The following CLMP variants were observed in gnomAD, a reference collection of about 807,000 sequenced individuals.
CLMP encodes CXADR-like membrane protein.
A neutral mutation model predicts 45.2 loss-of-function variants in CLMP; 27 were observed. That is an observed-to-expected ratio of 0.60 (90% confidence interval 0.44 to 0.82). CLMP has a LOEUF of 0.82. CLMP is among the 40% of genes least tolerant of loss of function. CLMP has a pLI of 0.00. For missense variants in CLMP, 403 were observed against 448.4 expected, an observed-to-expected ratio of 0.90 and a Z score of 0.91; for synonymous variants, 167 against 171.4, an observed-to-expected ratio of 0.97 and a Z score of 0.20.
chr11:123,165,482 C>A (rs561664437), intron 1 of CLMP, among the ~76,000 whole-genome samples: 1 of 152,262 alleles, frequency 6.6e-6, no homozygotes, highest in East Asian at 1.9e-4. Context: ...CCTGACCATC[C>A]CTTCCCTCCA....
chr11:123,137,489 A>C (rs1205175917), intron 1 of CLMP, among the ~76,000 whole-genome samples: 22 of 152,006 alleles, frequency 1.4e-4, no homozygotes, highest in Admixed American at 1.4e-3. Flanking sequence ...CCATCTCCTA[A>C]GAATAAACAG....
rs1866024686 is a variant in CLMP, at chr11:123,099,088, TCA to T, written c.29-1138_29-1137del. Among the ~76,000 whole-genome samples, 6 of 152,262 alleles carry T rather than the reference TCA, an allele frequency of 3.9e-5. No individual in the cohort carries two copies. The South Asian group carries it at 1.2e-3, about 32-fold the overall frequency. ...CTGAAGCGATTCTCCAACCTTGGCCTCACAAAGTGCTAGAATTGCAGGCATGA... is the reference window on the plus strand; with the variant it reads ...CTGAAGCGATTCTCCAACCTTGGCCTCAAAGTGCTAGAATTGCAGGCATGA... On this transcript the variant is annotated intron_variant, in intron 1 of 6. Transcript: ENST00000448775.
At position 123,108,763 on chromosome 11, in the gene CLMP, G is replaced by C. The variant is rs537957850; in HGVS notation, c.29-10811C>G. On this transcript the variant is annotated intron_variant, in intron 1 of 6. Transcript: ENST00000448775. ...GATTAAACACAAACTGATTAAAAAT[G>C]ATCAACTTGGCTGGGCGCGGTGGCT... 2.6e-5 allele frequency among the ~76,000 whole-genome samples: 4 copies of C among 152,218 alleles called. No individual in the cohort carries two copies. The South Asian group carries it at 8.3e-4, about 32-fold the overall frequency.
intron 1 of CLMP, among the ~76,000 whole-genome samples, chr11:123,118,965 C>A (rs1346518490): frequency 2.4e-5 from 1 of 41,022 alleles, no homozygotes; most frequent in African/African-American, 9.9e-5. Context: ...TTCTTTCTTT[C>A]TTTCTTTCTT....
chr11:123,177,868 A>AT (rs1420069443), intron 1 of CLMP, among the ~76,000 whole-genome samples: 2 of 152,060 alleles, frequency 1.3e-5, no homozygotes, highest in Non-Finnish European at 2.9e-5. Flanking sequence ...TTATTTTATT[A>AT]TTTTTAACAC....
At chr11:123,169,431 C>T (rs1372854668) in intron 1 of CLMP, among the ~76,000 whole-genome samples, 2 of 152,138 alleles carry the variant, frequency 1.3e-5, no homozygotes, top group East Asian at 1.9e-4. Context: ...CCGTGGGCTC[C>T]AGGAGAAAGC....
intron 1 of CLMP, among the ~76,000 whole-genome samples, chr11:123,158,346 T>C (rs1244138389): frequency 1.3e-5 from 2 of 152,226 alleles, no homozygotes; most frequent in Non-Finnish European, 2.9e-5. Flanking sequence ...CTTAATAAAA[T>C]GCTTCTCTCC....
chr11:123,083,013 GA>G, intron 5 of CLMP, 71 bp downstream of exon 5: 1 of 1,558,730 alleles, frequency 6.4e-7, no homozygotes, highest in Non-Finnish European at 8.8e-7. Context: ...CTTATGATTA[GA>G]ATGTCTTAAC....
Position 123,115,072 on chromosome 11 carries a change from C to T in CLMP, c.29-17120G>A, listed in dbSNP as rs551843409. Reference sequence around the variant, plus strand: ...AAAAGTATATATTGAGACAGGGTCTCGCTCTGTTGCCCAGGCTGAAGTGCA... The same window carrying T: ...AAAAGTATATATTGAGACAGGGTCTTGCTCTGTTGCCCAGGCTGAAGTGCA... On this transcript the variant is annotated intron_variant, in intron 1 of 6. Transcript: ENST00000448775. Among the ~76,000 whole-genome samples, 14 of 152,284 alleles carry T rather than the reference C, an allele frequency of 9.2e-5. No individual in the cohort carries two copies. In the South Asian group the frequency reaches 1.0e-3, roughly 11 times the overall value.
chr11:123,152,567 A>T lies in CLMP; in HGVS notation c.28+42346T>A, dbSNP rs12287999. The stretch of plus-strand genomic sequence containing the variant: ...ATAAATAAATAAATAAATAAATAAA[A>T]AATAAATAAAATGAAAGCTAAGGAG... On this transcript the variant is annotated intron_variant, in intron 1 of 6. Transcript: ENST00000448775. 3.3e-3 allele frequency among the ~76,000 whole-genome samples: 461 copies of T among 138,434 alleles called. 1 individual carries two copies. The highest frequency in any genetic ancestry group is 3.8e-3 in the Non-Finnish European group (243 of 63,720). The allele number at this position is 138,434 out of a possible 152,430, so 90.8% of individuals were successfully genotyped here.
chr11:123,120,870 T>C (rs1293980289), intron 1 of CLMP, among the ~76,000 whole-genome samples: 2 of 152,078 alleles, frequency 1.3e-5, no homozygotes, highest in Non-Finnish European at 2.9e-5. Context: ...CTCACGCTTG[T>C]AATCCCAGCA....
chr11:123,165,537 T>C (rs1161499318), intron 1 of CLMP, among the ~76,000 whole-genome samples: 1 of 152,198 alleles, frequency 6.6e-6, no homozygotes, highest in Non-Finnish European at 1.5e-5. Context: ...TTATTATTTT[T>C]CTGCATCCTG....
At chr11:123,094,737 G>T (rs905598611) in intron 2 of CLMP, among the ~76,000 whole-genome samples, 1 of 152,036 alleles carries the variant, frequency 6.6e-6, no homozygotes, top group Non-Finnish European at 1.5e-5. Flanking sequence ...AAACAGATTT[G>T]CACCTGGCAT....
chr11:123,188,529 G>T (rs1861863416), intron 1 of CLMP, among the ~76,000 whole-genome samples: 1 of 151,744 alleles, frequency 6.6e-6, no homozygotes. Context: ...CCCCCTTGCT[G>T]CCGCTCTTTA....
At chr11:123,114,860 C>T (rs1017056653) in intron 1 of CLMP, among the ~76,000 whole-genome samples, 8 of 152,114 alleles carry the variant, frequency 5.3e-5, no homozygotes, top group African/African-American at 1.7e-4. Flanking sequence ...GAAAGATTAA[C>T]TTGCCCAAGA....
intron 2 of CLMP, among the ~76,000 whole-genome samples, chr11:123,096,886 C>A (rs1480438804): frequency 6.6e-6 from 1 of 152,094 alleles, no homozygotes; most frequent in Non-Finnish European, 1.5e-5. Context: ...TCTCAGCTCA[C>A]TGCAGCCTTG....
chr11:123,147,884 C>A (rs1418304776), intron 1 of CLMP, among the ~76,000 whole-genome samples: 1 of 150,650 alleles, frequency 6.6e-6, no homozygotes, highest in Non-Finnish European at 1.5e-5. Context: ...GTGATCATGG[C>A]TCACTGCAGC....
At chr11:123,148,909 C>T (rs991885922) in intron 1 of CLMP, among the ~76,000 whole-genome samples, 9 of 152,212 alleles carry the variant, frequency 5.9e-5, no homozygotes, top group Admixed American at 5.2e-4. Context: ...AAACATCTGC[C>T]TCTTTTAGAA....
At chr11:123,154,951 G>A (rs1861392388) in intron 1 of CLMP, among the ~76,000 whole-genome samples, 1 of 152,278 alleles carries the variant, frequency 6.6e-6, no homozygotes, top group East Asian at 1.9e-4. Flanking sequence ...AGCCTTGGTG[G>A]TTAAAAAGTT....
Sources: gnomAD v4.1 joint callset for allele counts (sites outside exome capture counted in the v4.1 genomes callset) on GRCh38, gnomAD v4.1.1 for gene constraint, MANE v1.5 for transcripts, NCBI Gene and HGNC (gene_info 2026-07-23, HGNC 2026-07-21) for gene names.